The following MYBL2 variants were observed in gnomAD, a reference collection of about 807,000 sequenced individuals.
The protein encoded by MYBL2 is myb-related protein B.
A neutral mutation model predicts 79.9 loss-of-function variants in MYBL2; 28 were observed. The ratio of observed to expected loss-of-function variants is 0.35; its 90% CI spans 0.26 to 0.48. The LOEUF is 0.48. MYBL2 is among the 20% of genes least tolerant of loss of function. The pLI is 0.99. For synonymous variants in MYBL2, 378 were observed against 361.2 expected, an observed-to-expected ratio of 1.05 and a Z score of -0.53; for missense variants, 735 against 893.9, an observed-to-expected ratio of 0.82 and a Z score of 2.27.
intron 3 of MYBL2, 75 bp from the exon 4 acceptor site, chr20:43,682,719 A>T: frequency 7.2e-7 from 1 of 1,382,966 alleles, no homozygotes; most frequent in Non-Finnish European, 1.0e-6. Context: ...CCCTGAGCCT[A>T]GTACTTAACC....
Position 43,686,890 on chromosome 20 carries a change from G to A in MYBL2, c.318G>A (p.Trp106Ter), listed in dbSNP as rs1178905998. ...TTAAGAAGTATGGCACAAAGCAGTG[G>A]ACACTGATTGCCAAGCACCTGAAGG... ...ELVKKYGTKQWTLIAKHLKGR... is the reference protein window; with the variant it reads ...ELVKKYGTKQ Residue 106 changes from tryptophan (W) to a stop codon, truncating the protein, a stop_gained, in exon 5 of 14, where the codon TGG becomes TGA. Coordinates refer to ENST00000217026, the MANE Select transcript of MYBL2 (RefSeq NM_002466.4). LOFTEE classifies it high-confidence loss of function. 1 of 1,614,178 alleles carries A rather than the reference G, an allele frequency of 6.2e-7. No individual in the cohort carries two copies. The highest frequency in any genetic ancestry group is 1.7e-5 in the Admixed American group (1 of 60,024).
At chr20:43,710,175 C>T in intron 10 of MYBL2, 113 bp downstream of exon 10, 1 of 829,750 alleles carries the variant, frequency 1.2e-6, no homozygotes, top group East Asian at 2.9e-5. Context: ...GATTCTTTCT[C>T]CTGAGAAGAT....
intron 6 of MYBL2, among the ~76,000 whole-genome samples, chr20:43,698,686 A>G (rs1407774367): frequency 1.5e-5 from 2 of 133,270 alleles, no homozygotes; most frequent in African/African-American, 5.8e-5. Flanking sequence ...TTTTTTTTAA[A>G]TGAGCAGGGT....
rs891314946 is a variant in MYBL2, at chr20:43,714,504, C to T, written c.1825-630C>T. ...CCATCCCAGGGCTGATGTGCCCCCA[C>T]GTACTTGACTGTGCCTCCAGACACA... is the stretch of plus-strand genomic sequence containing the variant. On this transcript the variant is annotated intron_variant, in intron 12 of 13. Transcript: ENST00000217026. Among the ~76,000 whole-genome samples, 3 of 152,144 alleles carry T rather than the reference C, an allele frequency of 2.0e-5. 1 individual carries two copies. The highest frequency in any genetic ancestry group is 2.0e-4 in the Admixed American group (3 of 15,280).
chr20:43,684,080 A>G (rs1437623254), intron 4 of MYBL2, among the ~76,000 whole-genome samples: 2 of 151,832 alleles, frequency 1.3e-5, no homozygotes, highest in Non-Finnish European at 2.9e-5. Flanking sequence ...ATGTGCCACC[A>G]TGTCTGGCTA....
rs200089008 is a variant in MYBL2 at position 43,673,840 on chromosome 20, G to T, written c.55G>T (p.Asp19Tyr). ...GGATGAGCTGCACTACCAGGACACA[G>T]ATTCAGATGTGCCGGAGCAGAGGGA... The part of the protein sequence containing the change: ...DLDELHYQDT[D>Y]SDVPEQRDSK... Residue 19 changes from aspartate (D) to tyrosine (Y), a missense_variant, in exon 2 of 14, where the codon GAT (aspartate) becomes TAT (tyrosine). By Grantham distance (160) the Asp-to-Tyr change is radical. Around this residue, in one of 5 missense-constraint regions of MYBL2, gnomAD observed 79 missense variants for 86.7 expected, o/e 0.91. Coordinates refer to ENST00000217026, the MANE Select transcript of MYBL2 (RefSeq NM_002466.4). 1.9e-6 allele frequency: 3 copies of T among 1,561,072 alleles called. No homozygotes were observed. The highest frequency in any genetic ancestry group is 2.6e-6 in the Non-Finnish European group (3 of 1,151,474).
intron 4 of MYBL2, among the ~76,000 whole-genome samples, chr20:43,683,147 G>A (rs1023889363): frequency 1.1e-4 from 16 of 152,228 alleles, no homozygotes; most frequent in Non-Finnish European, 2.1e-4. Context: ...CACCCATGGA[G>A]GGGAGCAGTA....
chr20:43,701,507 A>G (rs1405887803), intron 7 of MYBL2, among the ~76,000 whole-genome samples: 1 of 152,222 alleles, frequency 6.6e-6, no homozygotes, highest in Admixed American at 6.5e-5. Flanking sequence ...TTTATTGGGT[A>G]AAGGAGGGAA....
At chr20:43,682,411 A>G (rs572727997) in intron 3 of MYBL2, among the ~76,000 whole-genome samples, 50 of 152,278 alleles carry the variant, frequency 3.3e-4, no homozygotes, top group African/African-American at 1.1e-3. Context: ...ATGTCACCAG[A>G]TCCTTTCCTG....
chr20:43,700,798 C>T (rs1223085182), intron 7 of MYBL2, among the ~76,000 whole-genome samples: 1 of 152,148 alleles, frequency 6.6e-6, no homozygotes, highest in African/African-American at 2.4e-5. Context: ...GAAACTGAGG[C>T]TCAGAGAGGT....
intron 1 of MYBL2, 64 bp downstream of exon 1, chr20:43,667,367 G>A (rs1986742470): frequency 9.9e-7 from 1 of 1,011,620 alleles, no homozygotes; most frequent in Non-Finnish European, 1.2e-6. Context: ...CCCCCACCCA[G>A]ATACCCCCGA....
At chr20:43,714,733 C>T (rs1044481831) in intron 12 of MYBL2, among the ~76,000 whole-genome samples, 1 of 152,104 alleles carries the variant, frequency 6.6e-6, no homozygotes, top group Non-Finnish European at 1.5e-5. Context: ...CAGGTTCGCA[C>T]CATTCTTCTG....
At position 43,692,274 on chromosome 20, in the gene MYBL2, C is replaced by G. The variant is rs368370176; in HGVS notation, c.618C>G (p.Leu206=). The G allele has an allele frequency of 5.0e-6, 8 of 1,614,046 alleles. No homozygotes were observed. Among genetic ancestry groups the G allele is most frequent in the Admixed American group, 1.7e-5 (1 of 59,982 alleles). The change falls in exon 6 of 14, where the codon CTC becomes CTG. Residue 206 remains leucine, a synonymous_variant. Transcript: ENST00000217026. ...CKPPVYLLLE[L]EDKDGLQSAQ... is the part of the protein sequence containing the mutation. ...CCCCAGTGTACTTGCTGCTGGAGCTCGAGGACAAGGACGGCCTCCAGAGTG... is the reference window on the plus strand; with the variant it reads ...CCCCAGTGTACTTGCTGCTGGAGCTGGAGGACAAGGACGGCCTCCAGAGTG...
chr20:43,706,313 A>G (rs112401985), intron 9 of MYBL2, among the ~76,000 whole-genome samples: 479 of 152,304 alleles, frequency 3.1e-3, no homozygotes, highest in Non-Finnish European at 5.6e-3. Flanking sequence ...CTTACGGAGC[A>G]TGACATTTTC....
At chr20:43,671,191 C>T (rs1986845863) in intron 1 of MYBL2, among the ~76,000 whole-genome samples, 1 of 151,920 alleles carries the variant, frequency 6.6e-6, no homozygotes, top group African/African-American at 2.4e-5. Context: ...GTCTGTCGCC[C>T]AGGCTGGAGT....
Position 43,703,509 on chromosome 20 carries a change from C to T in MYBL2, c.1365+606C>T, listed in dbSNP as rs375563369. ...TCTCTGAGATAGAGGTCATGGGGGGCACCTGGCCTTCCTGCAGAGAGGTGT... is the reference window on the plus strand; with the variant it reads ...TCTCTGAGATAGAGGTCATGGGGGGTACCTGGCCTTCCTGCAGAGAGGTGT... On this transcript the variant is annotated intron_variant, in intron 8 of 13. Coordinates refer to ENST00000217026, the MANE Select transcript of MYBL2 (RefSeq NM_002466.4). 1.1e-4 allele frequency among the ~76,000 whole-genome samples: 17 copies of T among 152,234 alleles called. No homozygotes were observed. The East Asian group carries it at 2.3e-3, about 21-fold the overall frequency.
rs755523059 is a variant in MYBL2 at position 43,709,806 on chromosome 20, G to A, written c.1506-157G>A. Among the ~76,000 whole-genome samples the A allele has an allele frequency of 1.7e-4, 26 of 152,084 alleles. No individual in the cohort carries two copies. The highest frequency in any genetic ancestry group is 3.2e-4 in the Non-Finnish European group (22 of 68,006). ...CTCCCCTCTCCCTTCTGTTTCCCCC[G>A]AGCCCCTGACTTGGACCTGCAGGGT... On this transcript the variant is annotated intron_variant, in intron 9 of 13. Transcript: ENST00000217026.
rs746467146 is a variant in MYBL2, at chr20:43,692,214, A to G, written c.558A>G (p.Thr186=). 8.7e-6 allele frequency: 14 copies of G among 1,614,058 alleles called. No homozygotes were observed. The highest frequency in any genetic ancestry group is 1.1e-5 in the Non-Finnish European group (13 of 1,180,050). Residue 186 remains threonine, a synonymous_variant, in exon 6 of 14, where the codon ACA becomes ACG. Coordinates refer to ENST00000217026, the MANE Select transcript of MYBL2 (RefSeq NM_002466.4). The stretch of plus-strand genomic sequence containing the variant: ...CTACCATCAAAAGGAAGGTGGACAC[A>G]GGAGGCTTCTTGAGCGAGTCCAAAG... ...WNSTIKRKVD[T]GGFLSESKDC... is the part of the protein sequence containing the mutation.
At chr20:43,684,855 A>C (rs1278464520) in intron 4 of MYBL2, among the ~76,000 whole-genome samples, 1 of 131,946 alleles carries the variant, frequency 7.6e-6, no homozygotes, top group Admixed American at 7.1e-5. Flanking sequence ...AAAAAAACAC[A>C]AAAGAAAACA....
Sources: gnomAD v4.1 joint callset for allele counts (sites outside exome capture counted in the v4.1 genomes callset) on GRCh38, gnomAD v4.1.1 for gene constraint, gnomAD v4.1.1 regional missense constraint, MANE v1.5 for transcripts, NCBI Gene and HGNC (gene_info 2026-07-23, HGNC 2026-07-21) for gene names.